ACBD6: variants seen among roughly 807,000 people sequenced by gnomAD.
The protein encoded by ACBD6 is acyl-CoA binding domain containing 6, also known as acyl-CoA-binding domain-containing protein 6.
ACBD6 carries 28 observed loss-of-function variants against 37.2 expected under a neutral mutation model. The observed-to-expected ratio is 0.75, with a 90% CI of 0.56 to 1.03. The LOEUF (loss-of-function observed/expected upper bound fraction) is 1.03. Ranked by LOEUF, ACBD6 falls within the 50% of genes least tolerant of loss-of-function variation. The pLI is 0.00. For missense variants in ACBD6, 340 were observed against 337.4 expected (o/e 1.01, Z -0.06); for synonymous variants, 113 against 126.8 (o/e 0.89, Z 0.73).
At chr1:180,486,909 A>G (rs1051390937) in intron 3 of ACBD6, among the ~76,000 whole-genome samples, 1 of 152,198 alleles carries the variant, frequency 6.6e-6, no homozygotes, top group Non-Finnish European at 1.5e-5. Flanking sequence ...ATTCTTCTTG[A>G]AAATGTATAA....
At chr1:180,385,677 G>A (rs55874160) in intron 6 of ACBD6, among the ~76,000 whole-genome samples, 99,792 of 151,330 alleles carry the variant, frequency 0.66, 32,959 homozygotes, top group South Asian at 0.76. Context: ...GGAAAGGCCC[G>A]TGAGGACCCA....
rs1171742577 is a variant in ACBD6, at chr1:180,492,249, T to C, written c.384+20A>G. ...ATCATAAGTTTTTGGAAAGTATTAT[T>C]TATAATCATTAAGTCTTACCTGAGG... On this transcript the variant is annotated intron_variant, in intron 3 of 7. Coordinates refer to ENST00000367595, the MANE Select transcript of ACBD6 (RefSeq NM_032360.4). 2.5e-6 allele frequency: 4 copies of C among 1,574,446 alleles called. No individual in the cohort carries two copies. Among genetic ancestry groups the C allele is most frequent in the Non-Finnish European group, 3.5e-6 (4 of 1,144,096 alleles).
intron 6 of ACBD6, among the ~76,000 whole-genome samples, chr1:180,391,728 C>T (rs1242330053): frequency 3.3e-5 from 5 of 152,082 alleles, no homozygotes; most frequent in Non-Finnish European, 7.4e-5. Context: ...TGCAGCCTCT[C>T]TGAAAAACAA....
At chr1:180,325,347 G>A (rs1315597767) in intron 6 of ACBD6, among the ~76,000 whole-genome samples, 1 of 152,048 alleles carries the variant, frequency 6.6e-6, no homozygotes. Context: ...GCTTAATTCT[G>A]CTATTAAGAG....
chr1:180,445,641 T>C (rs189688895), intron 3 of ACBD6, among the ~76,000 whole-genome samples: 1 of 152,280 alleles, frequency 6.6e-6, no homozygotes, highest in Admixed American at 6.5e-5. Flanking sequence ...TGCCTTAGAT[T>C]TGGCCAGGTG....
intron 3 of ACBD6, chr1:180,435,649 C>T (rs781695506): frequency 2.6e-5 from 26 of 999,674 alleles, no homozygotes; most frequent in Non-Finnish European, 1.8e-5. Context: ...ATATGAATGA[C>T]GGGACAGAGT....
At chr1:180,324,266 G>C (rs985501257) in intron 6 of ACBD6, among the ~76,000 whole-genome samples, 10 of 151,948 alleles carry the variant, frequency 6.6e-5, no homozygotes, top group Non-Finnish European at 7.4e-5. Context: ...CTGCCATTCT[G>C]TTATTTGTTT....
In ACBD6 at chr1:180,433,748, G is replaced by A. The variant is rs574568100; in HGVS notation, c.385-3486C>T. ...CATAATTAGGTGTGTCAGGCCTCAG[G>A]AGCAAGCCTCAGGAAAGAGAATCTA... On this transcript the variant is annotated intron_variant, in intron 3 of 7. Transcript: ENST00000367595. Among the ~76,000 whole-genome samples the A allele has an allele frequency of 2.6e-5, 4 of 152,146 alleles. No individual in the cohort carries two copies. The South Asian group carries it at 6.2e-4, about 24-fold the overall frequency.
chr1:180,474,625 T>C (rs1650710667), intron 3 of ACBD6, among the ~76,000 whole-genome samples: 2 of 152,228 alleles, frequency 1.3e-5, no homozygotes, highest in Non-Finnish European at 2.9e-5. Flanking sequence ...AATTATTTTC[T>C]CTACAAGACT....
chr1:180,415,164 C>T (rs1485469892), intron 4 of ACBD6, among the ~76,000 whole-genome samples: 1 of 151,964 alleles, frequency 6.6e-6, no homozygotes, highest in Non-Finnish European at 1.5e-5. Flanking sequence ...TTTGGGAGGC[C>T]AAGGCGGGTG....
At chr1:180,409,348 A>G (rs990280782) in intron 5 of ACBD6, among the ~76,000 whole-genome samples, 2 of 152,212 alleles carry the variant, frequency 1.3e-5, no homozygotes, top group African/African-American at 4.8e-5. Context: ...AATCATGCCA[A>G]ATTTATTTAA....
At chr1:180,410,654 A>G (rs72714870) in intron 5 of ACBD6, among the ~76,000 whole-genome samples, 24,024 of 150,476 alleles carry the variant, frequency 0.16, 1,959 homozygotes, top group Middle Eastern at 0.22. Flanking sequence ...GTTGATACCC[A>G]CTGCTCAGGA....
intron 4 of ACBD6, among the ~76,000 whole-genome samples, chr1:180,427,885 A>ACTCCAGC (rs1380704336): frequency 2.8e-4 from 41 of 148,378 alleles, no homozygotes; most frequent in Admixed American, 1.5e-3. Flanking sequence ...ATACCACTGC[A>ACTCCAGC]CTCCAGCTTG....
At chr1:180,494,223 C>T (rs72716634) in intron 2 of ACBD6, among the ~76,000 whole-genome samples, 6,664 of 152,074 alleles carry the variant, frequency 0.044, 221 homozygotes, top group South Asian at 0.089. Context: ...TTTAATCATT[C>T]GTTGATGTTC....
intron 7 of ACBD6, among the ~76,000 whole-genome samples, chr1:180,296,550 C>T (rs899054119): frequency 6.6e-6 from 1 of 152,150 alleles, no homozygotes; most frequent in Non-Finnish European, 1.5e-5. Flanking sequence ...GTACCTCAGC[C>T]TCCTGAGTAG....
At chr1:180,338,275 C>T (rs1170127115) in intron 6 of ACBD6, among the ~76,000 whole-genome samples, 1 of 152,198 alleles carries the variant, frequency 6.6e-6, no homozygotes, top group East Asian at 1.9e-4. Flanking sequence ...TACCTGACTT[C>T]AAACTATACT....
chr1:180,271,779 G>T, exon 14 of ACBD6: 1 of 1,601,252 alleles, frequency 6.2e-7, no homozygotes, highest in South Asian at 1.1e-5. Flanking sequence ...GGGTCCTGGG[G>T]GCTTTGGGTT....
chr1:180,480,007 A>G (rs1324497610), intron 3 of ACBD6, among the ~76,000 whole-genome samples: 1 of 152,122 alleles, frequency 6.6e-6, no homozygotes, highest in Non-Finnish European at 1.5e-5. Flanking sequence ...AGAAAAAAAG[A>G]AAATACAAGC....
intron 6 of ACBD6, among the ~76,000 whole-genome samples, chr1:180,319,938 C>G (rs1260658046): frequency 6.6e-6 from 1 of 152,210 alleles, no homozygotes; most frequent in Non-Finnish European, 1.5e-5. Flanking sequence ...CAAATCCTGG[C>G]TATTGCAAAC....
Sources: allele counts gnomAD v4.1 joint callset (sites outside exome capture counted in the v4.1 genomes callset), GRCh38; gene constraint gnomAD v4.1.1; transcripts MANE v1.5; gene names NCBI Gene and HGNC (gene_info 2026-07-23, HGNC 2026-07-21).